Variants in TEX9 observed in about 807,000 individuals in gnomAD.
TEX9 encodes the protein testis-expressed protein 9.
In TEX9, 74 loss-of-function variants were observed where a neutral mutation model predicts 59.6. The ratio of observed to expected loss-of-function variants is 1.24; its 90% confidence interval spans 1.03 to 1.51. The LOEUF (loss-of-function observed/expected upper bound fraction) is 1.51. TEX9 is among the 40% of genes most tolerant of loss of function. The probability of loss-of-function intolerance (pLI) is 0.00; values close to 1 mark genes in which losing one functional copy is unlikely to be tolerated. For missense variants in TEX9, 522 were observed against 447.8 expected, an observed-to-expected ratio of 1.17 and a Z score of -1.49; for synonymous variants, 186 against 152.2, an observed-to-expected ratio of 1.22 and a Z score of -1.64.
At chr15:56,438,020 C>A (rs1359738455) in intron 12 of TEX9, among the ~76,000 whole-genome samples, 1 of 152,042 alleles carries the variant, frequency 6.6e-6, no homozygotes. Context: ...GAATCAATAT[C>A]GTGAAAATGG....
At chr15:56,397,443 T>G (rs1396485594) in intron 9 of TEX9, 1 of 152,266 alleles carries the variant, frequency 6.6e-6, no homozygotes, top group Non-Finnish European at 1.5e-5. Context: ...AATCCCATTT[T>G]CTGAGGAGAA....
At chr15:56,433,741 G>T (rs528382134) in intron 12 of TEX9, among the ~76,000 whole-genome samples, 51 of 151,998 alleles carry the variant, frequency 3.4e-4, no homozygotes, top group Admixed American at 6.6e-4. Flanking sequence ...CCTTAGAAAA[G>T]CCCACCTTCT....
At chr15:56,388,354 T>C in intron 4 of TEX9, 118 bp from the exon 5 acceptor site, 1 of 756,560 alleles carries the variant, frequency 1.3e-6, no homozygotes, top group Non-Finnish European at 2.1e-6. Flanking sequence ...TAACTAGAAT[T>C]ATAGCAAAGT....
intron 3 of TEX9, among the ~76,000 whole-genome samples, chr15:56,373,787 A>G (rs554669415): frequency 2.6e-5 from 4 of 152,264 alleles, no homozygotes; most frequent in Non-Finnish European, 4.4e-5. Context: ...TAATTGATAG[A>G]ATAGAGCAAC....
chr15:56,336,911 G>A (rs1157411182), intron 1 of TEX9, among the ~76,000 whole-genome samples: 3 of 152,170 alleles, frequency 2.0e-5, no homozygotes, highest in African/African-American at 7.2e-5. Context: ...AGAGGACTCA[G>A]CTGTGAACTG....
chr15:56,418,650 CA>C (rs1162218943), intron 10 of TEX9, among the ~76,000 whole-genome samples: 1 of 149,176 alleles, frequency 6.7e-6, no homozygotes, highest in African/African-American at 2.5e-5. Flanking sequence ...GACTCTGTCT[CA>C]AAAAAAACCA....
In TEX9 at chr15:56,365,480, C is replaced by G. The variant is rs540943313; in HGVS notation, c.27+3C>G. On this transcript the variant is annotated splice_donor_region_variant and intron_variant, in intron 1 of 12. Transcript: ENST00000352903. ...CGGGGCGAAGTCTGTGTCTCACGGT[C>G]AGTTCAACTCCAGGCTCCTGGGGAG... 1.6e-4 allele frequency: 251 copies of G among 1,614,002 alleles called. No individual in the cohort carries two copies. The highest frequency in any genetic ancestry group is 2.1e-4 in the Non-Finnish European group (242 of 1,180,026).
intron 6 of TEX9, 149 bp downstream of exon 6, chr15:56,389,549 T>A: frequency 1.7e-6 from 1 of 586,206 alleles, no homozygotes; most frequent in Non-Finnish European, 3.0e-6. Flanking sequence ...CCACATTCAG[T>A]AATTTAGAAC....
intron 1 of TEX9, among the ~76,000 whole-genome samples, chr15:56,288,963 T>C (rs1042302276): frequency 7.9e-5 from 12 of 152,206 alleles, no homozygotes; most frequent in African/African-American, 2.4e-5. Flanking sequence ...AAATAACCTT[T>C]ATTTCAGTTC....
At chr15:56,403,256 C>T (rs528888930) in intron 9 of TEX9, among the ~76,000 whole-genome samples, 3 of 152,354 alleles carry the variant, frequency 2.0e-5, no homozygotes, top group East Asian at 3.9e-4. Context: ...AGCCCAAAAT[C>T]TCCTTAAGCT....
At chr15:56,383,899 A>C in intron 3 of TEX9, 53 bp from the exon 4 acceptor site, 4 of 1,354,314 alleles carry the variant, frequency 3.0e-6, no homozygotes, top group Non-Finnish European at 4.1e-6. Context: ...AATATATCTT[A>C]ATGGTTTGGT....
At chr15:56,275,490 C>T (rs921973775) in intron 1 of TEX9, among the ~76,000 whole-genome samples, 1 of 152,158 alleles carries the variant, frequency 6.6e-6, no homozygotes, top group Non-Finnish European at 1.5e-5. Flanking sequence ...ATGTACATGG[C>T]TCCAAAGGAT....
intron 1 of TEX9, among the ~76,000 whole-genome samples, chr15:56,256,040 T>G (rs953508402): frequency 1.3e-5 from 2 of 152,018 alleles, no homozygotes; most frequent in African/African-American, 4.8e-5. Flanking sequence ...AGCAAATTGT[T>G]TATAAACTTG....
chr15:56,377,991 C>T (rs1369713237), intron 3 of TEX9, among the ~76,000 whole-genome samples: 1 of 152,054 alleles, frequency 6.6e-6, no homozygotes, highest in Admixed American at 6.6e-5. Context: ...TGGTTTTTGT[C>T]CTTCATTCTG....
intron 1 of TEX9, among the ~76,000 whole-genome samples, chr15:56,289,970 C>T (rs2045049737): frequency 6.6e-6 from 1 of 152,114 alleles, no homozygotes; most frequent in African/African-American, 2.4e-5. Flanking sequence ...GGCAGCTGAG[C>T]CAGTTCTGGA....
At chr15:56,352,653 T>C (rs2046607780) in intron 1 of TEX9, among the ~76,000 whole-genome samples, 4 of 152,234 alleles carry the variant, frequency 2.6e-5, no homozygotes, top group Non-Finnish European at 5.9e-5. Flanking sequence ...ATGGCACTTC[T>C]GTTCTTGTTT....
At chr15:56,378,287 G>T (rs1449500327) in intron 3 of TEX9, among the ~76,000 whole-genome samples, 2 of 152,098 alleles carry the variant, frequency 1.3e-5, no homozygotes, top group Non-Finnish European at 2.9e-5. Flanking sequence ...AGTTTGAGTT[G>T]GTTTGGTATT....
chr15:56,256,493 A>G lies in TEX9; in HGVS notation c.-107+12215A>G, dbSNP rs146244284. Among the ~76,000 whole-genome samples, 938 of 152,234 alleles carry G rather than the reference A, an allele frequency of 6.2e-3. 8 individuals carry two copies. The highest frequency in any genetic ancestry group is 0.034 in the Middle Eastern group (10 of 294). Reference sequence around the variant, plus strand: ...AATCATGTATAAAGCTTAAAAAGCTAGTGAAAAAAATACATAAAGTAGAAG... The same window carrying G: ...AATCATGTATAAAGCTTAAAAAGCTGGTGAAAAAAATACATAAAGTAGAAG... On this transcript the variant is annotated intron_variant, in intron 1 of 5. Coordinates refer to the TEX9 transcript ENST00000560827.
At chr15:56,348,408 A>G (rs1283718165) in intron 1 of TEX9, among the ~76,000 whole-genome samples, 6 of 152,054 alleles carry the variant, frequency 3.9e-5, no homozygotes, top group Non-Finnish European at 8.8e-5. Flanking sequence ...AAGAACTTCT[A>G]TAGCATTCTT....
Sources: allele counts gnomAD v4.1 joint callset (sites outside exome capture counted in the v4.1 genomes callset), GRCh38; gene constraint gnomAD v4.1.1; transcripts MANE v1.5; gene names NCBI Gene and HGNC (gene_info 2026-07-23, HGNC 2026-07-21).